The following PABPC4L variants were observed in gnomAD, a reference collection of about 807,000 sequenced individuals.
PABPC4L encodes the protein poly(A) binding protein cytoplasmic 4 like.
For missense variants in PABPC4L, 452 were observed against 451.4 expected (o/e 1.00, Z -0.01); for synonymous variants, 169 against 164.1 (o/e 1.03, Z -0.23).
the PABPC4L span, among the ~76,000 whole-genome samples, chr4:134,094,925 C>T: frequency 9.9e-5 from 15 of 151,698 alleles, no homozygotes; most frequent in South Asian, 6.2e-4. Context: ...AACTTGCTAA[C>T]GTGTTTTTTA....
chr4:133,960,611 C>T, the PABPC4L span, among the ~76,000 whole-genome samples: 1 of 152,294 alleles, frequency 6.6e-6, no homozygotes, highest in South Asian at 2.1e-4. Context: ...GCAGACTCCG[C>T]AGGCAGGGGA....
chr4:134,130,109 T>C, the PABPC4L span, among the ~76,000 whole-genome samples: 5 of 142,456 alleles, frequency 3.5e-5, no homozygotes, highest in Non-Finnish European at 6.2e-5. Flanking sequence ...AAATAGTTAA[T>C]CTAAGGTCAC....
At chr4:133,994,361 T>C in the PABPC4L span, among the ~76,000 whole-genome samples, 2 of 152,122 alleles carry the variant, frequency 1.3e-5, no homozygotes, top group Non-Finnish European at 2.9e-5. Context: ...CAGTGGCCAT[T>C]ATTAGAAAGG....
At chr4:133,966,493 G>T in the PABPC4L span, among the ~76,000 whole-genome samples, 3 of 152,194 alleles carry the variant, frequency 2.0e-5, no homozygotes, top group African/African-American at 7.2e-5. Context: ...ACACGTAAAA[G>T]ATACTTGCAC....
chr4:134,013,751 CCT>C, the PABPC4L span, among the ~76,000 whole-genome samples: 2 of 152,060 alleles, frequency 1.3e-5, no homozygotes, highest in African/African-American at 4.8e-5. Flanking sequence ...CCACCTGTCC[CCT>C]CAGTCCCAAC....
At chr4:134,042,429 C>A in the PABPC4L span, among the ~76,000 whole-genome samples, 7 of 152,126 alleles carry the variant, frequency 4.6e-5, no homozygotes, top group African/African-American at 1.7e-4. Context: ...CCACCTGTAA[C>A]TTTAAAGCTA....
chr4:134,113,137 T>G, the PABPC4L span, among the ~76,000 whole-genome samples: 1 of 152,100 alleles, frequency 6.6e-6, no homozygotes, highest in East Asian at 1.9e-4. Flanking sequence ...AGCTAAGTGT[T>G]ATTACAAAAG....
At chr4:134,129,811 G>A in the PABPC4L span, among the ~76,000 whole-genome samples, 6 of 152,116 alleles carry the variant, frequency 3.9e-5, no homozygotes, top group Admixed American at 3.3e-4. Context: ...GCTCACACCT[G>A]TAATCTCAGC....
At chr4:134,176,221 T>C in the PABPC4L span, among the ~76,000 whole-genome samples, 4 of 152,202 alleles carry the variant, frequency 2.6e-5, no homozygotes, top group South Asian at 2.1e-4. Flanking sequence ...TTATTCATGA[T>C]ATAATTAATA....
the PABPC4L span, among the ~76,000 whole-genome samples, chr4:134,178,243 G>A: frequency 4.6e-5 from 7 of 151,854 alleles, no homozygotes; most frequent in Admixed American, 1.3e-4. Flanking sequence ...TAAGAAATGT[G>A]GGCATGGAGA....
At chr4:134,022,273 C>G in the PABPC4L span, among the ~76,000 whole-genome samples, 1 of 152,066 alleles carries the variant, frequency 6.6e-6, no homozygotes, top group East Asian at 1.9e-4. Context: ...TCTTCATATA[C>G]TCGGTACTCA....
At chr4:134,069,987 G>GTT in the PABPC4L span, among the ~76,000 whole-genome samples, 28 of 48,852 alleles carry the variant, frequency 5.7e-4, no homozygotes, top group African/African-American at 3.2e-3. Flanking sequence ...TCCTTTGGAG[G>GTT]GTTTTTTTTT....
the PABPC4L span, among the ~76,000 whole-genome samples, chr4:134,012,247 C>A: frequency 1.3e-5 from 2 of 152,238 alleles, no homozygotes; most frequent in East Asian, 1.9e-4. Context: ...GCCATCATAT[C>A]CCCTGTGACC....
chr4:134,127,132 C>T, the PABPC4L span, among the ~76,000 whole-genome samples: 1 of 151,988 alleles, frequency 6.6e-6, no homozygotes, highest in Admixed American at 6.6e-5. Flanking sequence ...GCAGCAAGCC[C>T]CACTCAAGGA....
chr4:134,143,692 G>T, the PABPC4L span, among the ~76,000 whole-genome samples: 5 of 151,168 alleles, frequency 3.3e-5, no homozygotes, highest in Non-Finnish European at 7.4e-5. Flanking sequence ...AAGCCAATTA[G>T]AGTTTATAAG....
At chr4:134,175,796 A>G in the PABPC4L span, among the ~76,000 whole-genome samples, 1 of 152,166 alleles carries the variant, frequency 6.6e-6, no homozygotes, top group African/African-American at 2.4e-5. Flanking sequence ...GATTTCCTTA[A>G]ACAATTTGAA....
At chr4:134,143,601 T>G in the PABPC4L span, among the ~76,000 whole-genome samples, 16 of 151,158 alleles carry the variant, frequency 1.1e-4, no homozygotes, top group East Asian at 2.5e-3. Flanking sequence ...ACTGTAGATT[T>G]CTGCTGAAGT....
the PABPC4L span, among the ~76,000 whole-genome samples, chr4:134,175,428 TTAA>T: frequency 1.3e-5 from 2 of 151,888 alleles, no homozygotes; most frequent in African/African-American, 4.8e-5. Flanking sequence ...ATTTTTTAAA[TTAA>T]TTAATTAATT....
At chr4:134,072,640 T>C in the PABPC4L span, among the ~76,000 whole-genome samples, 1 of 152,152 alleles carries the variant, frequency 6.6e-6, no homozygotes, top group East Asian at 1.9e-4. Context: ...GGTTAGCCTT[T>C]GTATTAGTCC....
Sources: gnomAD v4.1 joint callset for allele counts (sites outside exome capture counted in the v4.1 genomes callset) on GRCh38, gnomAD v4.1.1 for gene constraint, MANE v1.5 for transcripts, NCBI Gene and HGNC (gene_info 2026-07-23, HGNC 2026-07-21) for gene names.